The following GOLM2 variants were observed in gnomAD, a reference collection of about 807,000 sequenced individuals.
GOLM2 encodes the protein golgi membrane protein 2.
Under a neutral mutation model 55.9 loss-of-function variants are expected in GOLM2, and 26 were observed. The observed-to-expected ratio is 0.47, with a 90% CI of 0.34 to 0.65. The LOEUF (loss-of-function observed/expected upper bound fraction) is 0.65. Among genes scored for constraint, GOLM2 ranks in the 30% least tolerant of loss-of-function variants. The pLI, the probability that GOLM2 is intolerant of heterozygous loss-of-function variation, is 0.01. For synonymous variants in GOLM2, 165 were observed against 194.6 expected, an observed-to-expected ratio of 0.85 and a Z score of 1.27; for missense variants, 486 against 531.8, an observed-to-expected ratio of 0.91 and a Z score of 0.85.
intron 6 of GOLM2, among the ~76,000 whole-genome samples, chr15:44,367,663 C>T (rs999063631): frequency 5.9e-5 from 9 of 151,944 alleles, no homozygotes; most frequent in Admixed American, 5.9e-4. Flanking sequence ...GGCCTGGTGG[C>T]GTGGGCCTGC....
chr15:44,327,848 C>T (rs1192086515), intron 2 of GOLM2, among the ~76,000 whole-genome samples: 6 of 152,146 alleles, frequency 3.9e-5, no homozygotes. Flanking sequence ...TGATTCATTT[C>T]CACTAAAAAA....
At position 44,413,454 on chromosome 15, in the gene GOLM2, C is replaced by A; in HGVS notation, c.*48C>A. The A allele has an allele frequency of 7.5e-7, 1 of 1,336,520 alleles. No homozygotes were observed. Among genetic ancestry groups the A allele is most frequent in the South Asian group, 1.2e-5 (1 of 81,640 alleles). The allele number at this position is 1,336,520 out of a possible 1,614,324, so 82.8% of individuals were successfully genotyped here. On this transcript the variant is annotated 3_prime_UTR_variant, in exon 10 of 10. Coordinates refer to ENST00000299957, the MANE Select transcript of GOLM2 (RefSeq NM_138423.4). ...AACCTAAAGTGCTGTAAAATGAAAT[C>A]ATTCTACTTTGTCCTTTCTGACTTT...
intron 8 of GOLM2, among the ~76,000 whole-genome samples, chr15:44,391,118 A>G (rs981661165): frequency 6.6e-6 from 1 of 152,200 alleles, no homozygotes; most frequent in Non-Finnish European, 1.5e-5. Context: ...TTCCCTCAAA[A>G]GAGACTGGTA....
At chr15:44,294,889 G>A (rs2078745806) in intron 1 of GOLM2, among the ~76,000 whole-genome samples, 1 of 149,668 alleles carries the variant, frequency 6.7e-6, no homozygotes, top group Non-Finnish European at 1.5e-5. Context: ...GTAAGACTCT[G>A]TCTCACAAAA....
chr15:44,338,269 C>G lies in GOLM2; in HGVS notation c.754C>G (p.Pro252Ala), dbSNP rs1187946098. 1.2e-6 allele frequency: 2 copies of G among 1,613,604 alleles called. No homozygotes were observed. The highest frequency in any genetic ancestry group is 2.7e-5 in the African/African-American group (2 of 74,876). The change falls in exon 6 of 10, where the codon CCT becomes GCT. Residue 252 changes from proline to alanine, a missense_variant. By Grantham distance (27) the Pro-to-Ala change is conservative (BLOSUM62 -1). Coordinates refer to ENST00000299957, the MANE Select transcript of GOLM2 (RefSeq NM_138423.4). Reference protein sequence around the residue: ...QIKRGGDAGMPGIEENDLAKV... With the variant: ...QIKRGGDAGMAGIEENDLAKV... ...CAAAAGAGGTGGTGATGCAGGGATG[C>G]CTGGAATAGAAGAGAATGACCTAGC... is the stretch of plus-strand genomic sequence containing the variant.
chr15:44,368,163 A>T (rs1469393807), intron 6 of GOLM2, among the ~76,000 whole-genome samples: 1 of 151,762 alleles, frequency 6.6e-6, no homozygotes, highest in Non-Finnish European at 1.5e-5. Flanking sequence ...TTTAAGATGG[A>T]GTCTCGCTTT....
chr15:44,308,246 A>G (rs2078851983), intron 1 of GOLM2: 1 of 151,984 alleles, frequency 6.6e-6, no homozygotes, highest in African/African-American at 2.4e-5. Flanking sequence ...GCCTGTGGTA[A>G]CCTCTATTCT....
intron 6 of GOLM2, among the ~76,000 whole-genome samples, chr15:44,349,142 C>T (rs1282465851): frequency 6.6e-6 from 1 of 151,514 alleles, no homozygotes; most frequent in Non-Finnish European, 1.5e-5. Flanking sequence ...GCCTGTAATC[C>T]CAGCTACTCG....
chr15:44,333,289 T>C (rs775893806), intron 4 of GOLM2, among the ~76,000 whole-genome samples: 4 of 152,326 alleles, frequency 2.6e-5, no homozygotes, highest in African/African-American at 4.8e-5. Flanking sequence ...TTATGAACTC[T>C]TGTGATTTAA....
At chr15:44,385,298 CG>C (rs1567041094) in intron 8 of GOLM2, among the ~76,000 whole-genome samples, 2 of 151,856 alleles carry the variant, frequency 1.3e-5, no homozygotes, top group Admixed American at 6.6e-5. Flanking sequence ...CCACCAGCAA[CG>C]TATAAGAGTT....
chr15:44,290,986 A>G (rs2078717008), intron 1 of GOLM2, among the ~76,000 whole-genome samples: 1 of 151,804 alleles, frequency 6.6e-6, no homozygotes. Context: ...TATTTTTAGT[A>G]GAGAAGGGGT....
At chr15:44,299,019 C>T (rs2078778205) in intron 1 of GOLM2, among the ~76,000 whole-genome samples, 1 of 152,078 alleles carries the variant, frequency 6.6e-6, no homozygotes, top group East Asian at 1.9e-4. Flanking sequence ...CAGATAAAGG[C>T]AGAGATTGGA....
chr15:44,363,005 G>A (rs1380933327), intron 6 of GOLM2, among the ~76,000 whole-genome samples: 11 of 152,102 alleles, frequency 7.2e-5, no homozygotes, highest in East Asian at 1.9e-4. Context: ...GAAAGCTGAA[G>A]CTGGATCCCT....
At chr15:44,380,391 T>G (rs938816177) in intron 7 of GOLM2, among the ~76,000 whole-genome samples, 1 of 152,138 alleles carries the variant, frequency 6.6e-6, no homozygotes, top group Non-Finnish European at 1.5e-5. Flanking sequence ...AGTCAACACT[T>G]GTGAGTCACT....
intron 6 of GOLM2, among the ~76,000 whole-genome samples, chr15:44,356,522 A>G (rs1249819121): frequency 2.0e-5 from 3 of 152,216 alleles, no homozygotes; most frequent in African/African-American, 7.2e-5. Context: ...TGCCAGCTCT[A>G]CAAAAAGATA....
At chr15:44,323,372 T>A (rs1298442602) in intron 2 of GOLM2, among the ~76,000 whole-genome samples, 1 of 152,020 alleles carries the variant, frequency 6.6e-6, no homozygotes, top group Non-Finnish European at 1.5e-5. Context: ...CTGTGTCCAA[T>A]CTGCTAAATT....
rs191642381 is a variant in GOLM2 at position 44,301,516 on chromosome 15, A to G, written c.327+12160A>G. ...TAGTGAATGAGTGAACAAGACAGAT[A>G]TGGTATACATTGACTATGGAACTTA... On this transcript the variant is annotated intron_variant, in intron 1 of 9. Coordinates refer to ENST00000299957, the MANE Select transcript of GOLM2 (RefSeq NM_138423.4). Among the ~76,000 whole-genome samples, 108 of 152,322 alleles carry G rather than the reference A, an allele frequency of 7.1e-4. 1 individual carries two copies. The highest frequency in any genetic ancestry group is 6.9e-3 in the Admixed American group (105 of 15,284).
rs1467026662 is a variant in GOLM2 at position 44,414,034 on chromosome 15, C to G, written c.*628C>G. On this transcript the variant is annotated 3_prime_UTR_variant, in exon 10 of 10. Coordinates refer to ENST00000299957, the MANE Select transcript of GOLM2 (RefSeq NM_138423.4). ...GTATATTTAATAAAGACGGGTTTCA[C>G]CATGTTGGCCAGGCTGGTCTTGAAC... is the stretch of plus-strand genomic sequence containing the variant. 6.6e-6 allele frequency: 1 copy of G among 152,194 alleles called. No homozygotes were observed. The highest frequency in any genetic ancestry group is 1.5e-5 in the Non-Finnish European group (1 of 68,064). 9.4% of individuals were successfully genotyped at this position (152,194 alleles called of 1,614,324 possible).
intron 6 of GOLM2, among the ~76,000 whole-genome samples, chr15:44,365,968 C>T (rs1190019083): frequency 6.6e-6 from 1 of 152,178 alleles, no homozygotes; most frequent in Non-Finnish European, 1.5e-5. Context: ...GGATATTTTT[C>T]TATCTTCCTG....
Sources: allele counts gnomAD v4.1 joint callset (sites outside exome capture counted in the v4.1 genomes callset), GRCh38; gene constraint gnomAD v4.1.1; transcripts MANE v1.5; gene names NCBI Gene and HGNC (gene_info 2026-07-23, HGNC 2026-07-21).